NOC3L: variants seen among roughly 807,000 people sequenced by gnomAD.
NOC3L encodes the protein nucleolar complex protein 3 homolog.
Under a neutral mutation model 102.5 loss-of-function variants are expected in NOC3L, and 85 were observed. The ratio of observed to expected loss-of-function variants is 0.83; its 90% CI spans 0.70 to 0.99. The LOEUF is 0.99. NOC3L is among the 50% of genes least tolerant of loss of function. The pLI is 0.00. For synonymous variants in NOC3L, 303 were observed against 309.4 expected, an observed-to-expected ratio of 0.98 and a Z score of 0.22; for missense variants, 878 against 914.9, an observed-to-expected ratio of 0.96 and a Z score of 0.52.
At chr10:94,350,364 G>T in intron 8 of NOC3L, 76 bp from the exon 9 acceptor site, 1 of 1,297,184 alleles carries the variant, frequency 7.7e-7, no homozygotes, top group Non-Finnish European at 1.1e-6. Flanking sequence ...TACAATCAAT[G>T]TACATTTTAA....
In NOC3L at chr10:94,346,356, C is replaced by T. The variant is rs1194306443; in HGVS notation, c.1389+69G>A. On this transcript the variant is annotated intron_variant, in intron 11 of 20. Transcript: ENST00000371361. ...GATTTAACTATGATTTTTACATGTG[C>T]CTATAAGTTTAATCTAAGATCAAAT... The T allele has an allele frequency of 5.1e-6, 6 of 1,165,068 alleles. No homozygotes were observed. In the Admixed American group the frequency reaches 1.5e-4, roughly 29 times the overall value. The allele number at this position is 1,165,068 out of a possible 1,614,324, so 72.2% of individuals were successfully genotyped here. A position where few individuals can be genotyped will look rare whatever the true frequency, so the allele number is the denominator to read the frequency against.
At chr10:94,324,846 A>G in the NOC3L span, 1 of 1,562,158 alleles carries the variant, frequency 6.4e-7, no homozygotes, top group Non-Finnish European at 8.8e-7. Context: ...TGACAGAGGA[A>G]CCTGAGTTTA....
the NOC3L span, chr10:94,324,494 AGTGTGT>A: frequency 1.9e-6 from 3 of 1,614,164 alleles, no homozygotes; most frequent in Non-Finnish European, 2.5e-6. Context: ...CTGGATCAGG[AGTGTGT>A]GTTTCAAGCC....
rs765108628 is a variant in NOC3L, at chr10:94,344,829, A to AT, written c.1470+23dup. 5.9e-6 allele frequency: 9 copies of AT among 1,532,212 alleles called. No homozygotes were observed. The South Asian group carries it at 9.5e-5, about 16-fold the overall frequency. The allele number at this position is 1,532,212 out of a possible 1,614,324, so 94.9% of individuals were successfully genotyped here. On this transcript the variant is annotated intron_variant, in intron 12 of 20. Coordinates refer to ENST00000371361, the MANE Select transcript of NOC3L (RefSeq NM_022451.11). ...AAACAACTTAACGCATTTTAAAAGC[A>AT]TAACAGAATATGAAACTGCCTACCA... is the stretch of plus-strand genomic sequence containing the variant.
At chr10:94,355,161 AT>A in intron 5 of NOC3L, 68 bp from the exon 6 acceptor site, 2 of 1,335,672 alleles carry the variant, frequency 1.5e-6, no homozygotes, top group Non-Finnish European at 2.0e-6. Flanking sequence ...TTAATAAAAT[AT>A]TTTTACAGTA....
chr10:94,338,580 A>C, intron 18 of NOC3L, 28 bp downstream of exon 18: 1 of 1,471,518 alleles, frequency 6.8e-7, no homozygotes, highest in Non-Finnish European at 9.1e-7. Context: ...AACATCCCCA[A>C]AAAGAAAAAA....
the NOC3L span, among the ~76,000 whole-genome samples, chr10:94,316,172 G>C: frequency 8.5e-5 from 13 of 152,146 alleles, no homozygotes; most frequent in Non-Finnish European, 1.5e-4. Flanking sequence ...TTTCCAATGT[G>C]AGAAAAAGAG....
chr10:94,327,020 G>A, the NOC3L span, among the ~76,000 whole-genome samples: 2 of 151,910 alleles, frequency 1.3e-5, no homozygotes, highest in Non-Finnish European at 2.9e-5. Context: ...CAGTTAGCTG[G>A]GCGTGGTGGT....
rs758087422 is a variant in NOC3L at position 94,350,295 on chromosome 10, A to G, written c.953-7T>C. On this transcript the variant is annotated splice_polypyrimidine_tract_variant and splice_region_variant and intron_variant, in intron 8 of 20. Coordinates refer to ENST00000371361, the MANE Select transcript of NOC3L (RefSeq NM_022451.11). The stretch of plus-strand genomic sequence containing the variant: ...AGCTTCCTCTGCTTCCAATCTAATC[A>G]AAAGATAACTGTAGTTACTTTACTC... 48 of 1,613,058 alleles carry G rather than the reference A, an allele frequency of 3.0e-5. No homozygotes were observed. The Admixed American group carries it at 7.7e-4, about 26-fold the overall frequency.
Position 94,334,713 on chromosome 10 carries a change from G to C in NOC3L, c.2195C>G (p.Ala732Gly). Residue 732 changes from alanine (A) to glycine (G), a missense_variant, in exon 20 of 21, where the codon GCT becomes GGT. Physicochemically the swap from Ala to Gly is moderately conservative, Grantham distance 60. Transcript: ENST00000371361. ...ALKPELSRRS[A>G]TELFEAYSMA... ...GCTATATGCCTCAAAAAGTTCAGTA[G>C]CAGATCTAAATCACAAACACAAAAA... is the stretch of plus-strand genomic sequence containing the variant. 1 of 1,609,678 alleles carries C rather than the reference G, an allele frequency of 6.2e-7. No homozygotes were observed. The highest frequency in any genetic ancestry group is 8.5e-7 in the Non-Finnish European group (1 of 1,177,484).
the NOC3L span, chr10:94,324,717 G>C: frequency 1.1e-5 from 11 of 982,676 alleles, no homozygotes; most frequent in Non-Finnish European, 1.6e-5. Flanking sequence ...TGTTTTCACT[G>C]TGTGAAAAAA....
chr10:94,353,297 T>G (rs1030879853), intron 6 of NOC3L, among the ~76,000 whole-genome samples: 1 of 152,216 alleles, frequency 6.6e-6, no homozygotes, highest in Non-Finnish European at 1.5e-5. Flanking sequence ...CTGGATAATT[T>G]ATAAAGAAAA....
intron 8 of NOC3L, among the ~76,000 whole-genome samples, chr10:94,351,164 C>G (rs973662337): frequency 1.3e-5 from 2 of 152,094 alleles, no homozygotes; most frequent in African/African-American, 4.8e-5. Flanking sequence ...CAGGCCCTCT[C>G]ACTGGAAGAA....
At chr10:94,315,334 T>A in the NOC3L span, 3 of 450,928 alleles carry the variant, frequency 6.7e-6, no homozygotes, top group South Asian at 1.6e-5. Context: ...GAGAAGGGTG[T>A]TTGCTTAATC....
At position 94,335,877 on chromosome 10, in the gene NOC3L, TTGTAAGG is replaced by T. The variant is rs1178109628; in HGVS notation, c.2190-1166_2190-1160del. Among the ~76,000 whole-genome samples, 4 of 152,200 alleles carry T rather than the reference TTGTAAGG, an allele frequency of 2.6e-5. No individual in the cohort carries two copies. In the South Asian group the frequency reaches 8.3e-4, roughly 32 times the overall value. On this transcript the variant is annotated intron_variant, in intron 19 of 20. Transcript: ENST00000371361. Reference sequence around the variant, plus strand: ...ATATTAATTCTGGGTAATGAGTACATTGTAAGGTGCTATAGTTTCAATGTGTCCCCTC... The same window carrying T: ...ATATTAATTCTGGGTAATGAGTACATTGCTATAGTTTCAATGTGTCCCCTC...
chr10:94,322,429 T>C, the NOC3L span, among the ~76,000 whole-genome samples: 4 of 151,706 alleles, frequency 2.6e-5, no homozygotes, highest in East Asian at 7.8e-4. Context: ...GGGGGGCAGA[T>C]CACTTGAGCT....
At chr10:94,324,826 T>C in the NOC3L span, 4 of 1,480,048 alleles carry the variant, frequency 2.7e-6, no homozygotes, top group Non-Finnish European at 3.8e-6. Flanking sequence ...TCTTCTGAAA[T>C]AGTGTCATGT....
At chr10:94,326,212 G>C in the NOC3L span, among the ~76,000 whole-genome samples, 1 of 152,198 alleles carries the variant, frequency 6.6e-6, no homozygotes, top group Non-Finnish European at 1.5e-5. Context: ...ATGTGACAGA[G>C]CTTCACCATC....
intron 13 of NOC3L, among the ~76,000 whole-genome samples, chr10:94,342,785 C>T (rs1403464551): frequency 3.3e-5 from 5 of 150,646 alleles, no homozygotes; most frequent in Non-Finnish European, 7.4e-5. Context: ...ATTCCATTTG[C>T]ATGAAAGATG....
Sources: gnomAD v4.1 joint callset for allele counts (sites outside exome capture counted in the v4.1 genomes callset) on GRCh38, gnomAD v4.1.1 for gene constraint, MANE v1.5 for transcripts, NCBI Gene and HGNC (gene_info 2026-07-23, HGNC 2026-07-21) for gene names.